Variants in CCDC50 observed in about 807,000 individuals in gnomAD.
CCDC50 encodes coiled-coil domain-containing protein 50.
CCDC50 carries 54 observed loss-of-function variants against 70.2 expected under a neutral mutation model. The ratio of observed to expected loss-of-function variants is 0.77; its 90% CI spans 0.62 to 0.96. The LOEUF (loss-of-function observed/expected upper bound fraction) is 0.96. Among genes scored for constraint, CCDC50 ranks in the 50% least tolerant of loss-of-function variants. The pLI is 0.00. For missense variants in CCDC50, 558 were observed against 578.7 expected (o/e 0.96, Z 0.37); for synonymous variants, 216 against 198.8 (o/e 1.09, Z -0.73).
At chr3:191,329,861 A>C (rs1717893502) in intron 1 of CCDC50, 138 bp downstream of exon 1, 1 of 725,148 alleles carries the variant, frequency 1.4e-6, no homozygotes, top group Non-Finnish European at 2.1e-6. Flanking sequence ...CCGGACGTGA[A>C]AGGAATTGAA....
At chr3:191,386,630 A>G (rs1453578011) in intron 10 of CCDC50, among the ~76,000 whole-genome samples, 2 of 152,216 alleles carry the variant, frequency 1.3e-5, no homozygotes, top group East Asian at 3.9e-4. Flanking sequence ...ACTTAAGCAT[A>G]GTCTCAGGAA....
chr3:191,385,272 C>G (rs188796329), intron 10 of CCDC50, among the ~76,000 whole-genome samples: 1 of 152,314 alleles, frequency 6.6e-6, no homozygotes, highest in African/African-American at 2.4e-5. Flanking sequence ...AATCTGAATT[C>G]CCATCAACAG....
intron 3 of CCDC50, among the ~76,000 whole-genome samples, chr3:191,360,733 G>A (rs989858128): frequency 6.6e-6 from 1 of 152,192 alleles, no homozygotes; most frequent in African/African-American, 2.4e-5. Flanking sequence ...GTTATTAGTG[G>A]TAGAGGCAGG....
chr3:191,368,487 G>T, intron 4 of CCDC50, among the ~76,000 whole-genome samples: 1 of 152,038 alleles, frequency 6.6e-6, no homozygotes, highest in East Asian at 1.9e-4. Context: ...TGGATGAATA[G>T]TAAAAAACAG....
chr3:191,396,845 G>A lies in CCDC50; in HGVS notation c.*5085G>A, dbSNP rs1281429997. The A allele has an allele frequency of 6.6e-6, 1 of 152,186 alleles. No homozygotes were observed. Among genetic ancestry groups the A allele is most frequent in the Non-Finnish European group, 1.5e-5 (1 of 68,022 alleles). 9.4% of individuals were successfully genotyped at this position (152,186 alleles called of 1,614,324 possible). A position where few individuals can be genotyped will look rare whatever the true frequency, so the allele number is the denominator to read the frequency against. On this transcript the variant is annotated 3_prime_UTR_variant, in exon 12 of 12. Coordinates refer to ENST00000392455, the MANE Select transcript of CCDC50 (RefSeq NM_178335.3). Reference sequence around the variant, plus strand: ...CACAATCGTGTAATCATGTTGAGTTGTAGAAATATATGGCCCTAAAAACCA... The same window carrying A: ...CACAATCGTGTAATCATGTTGAGTTATAGAAATATATGGCCCTAAAAACCA...
At chr3:191,377,382 G>A (rs553577433) in intron 6 of CCDC50, among the ~76,000 whole-genome samples, 9 of 152,138 alleles carry the variant, frequency 5.9e-5, no homozygotes, top group Non-Finnish European at 1.2e-4. Context: ...AAGAGCATTT[G>A]CAGAGCAGCA....
At chr3:191,357,624 A>G (rs1337195806) in intron 2 of CCDC50, among the ~76,000 whole-genome samples, 7 of 152,240 alleles carry the variant, frequency 4.6e-5, no homozygotes, top group Middle Eastern at 3.2e-3. Flanking sequence ...ACTTGTGAAT[A>G]TATGATTTGT....
Position 191,330,866 on chromosome 3 carries a change from T to C in CCDC50, c.49+1143T>C, listed in dbSNP as rs566544328. On this transcript the variant is annotated intron_variant, in intron 1 of 11. Transcript: ENST00000392455. The stretch of plus-strand genomic sequence containing the variant: ...ACTAGTGACTAGTGGTCACTGATTT[T>C]ATGTAGAATTTCTGATGGGCCTAGT... Among the ~76,000 whole-genome samples the C allele has an allele frequency of 2.6e-5, 4 of 152,298 alleles. No individual in the cohort carries two copies. The East Asian group carries it at 7.7e-4, about 29-fold the overall frequency.
chr3:191,377,346 T>C (rs1210587946), intron 6 of CCDC50, among the ~76,000 whole-genome samples: 1 of 152,108 alleles, frequency 6.6e-6, no homozygotes, highest in Non-Finnish European at 1.5e-5. Context: ...ATGAAGAAAC[T>C]AGCAGGATGA....
At chr3:191,339,350 TATG>T (rs1183323111) in intron 1 of CCDC50, among the ~76,000 whole-genome samples, 2 of 152,176 alleles carry the variant, frequency 1.3e-5, no homozygotes, top group Non-Finnish European at 2.9e-5. Context: ...TCAAGGGAGT[TATG>T]ATATAAAATT....
intron 3 of CCDC50, 93 bp from the exon 4 acceptor site, chr3:191,360,976 A>G: frequency 1.2e-6 from 1 of 839,322 alleles, no homozygotes; most frequent in Non-Finnish European, 2.0e-6. Context: ...TGTACTTCTC[A>G]TATAGTGAGT....
At chr3:191,385,979 T>C (rs1713480596) in intron 10 of CCDC50, among the ~76,000 whole-genome samples, 1 of 152,150 alleles carries the variant, frequency 6.6e-6, no homozygotes, top group Non-Finnish European at 1.5e-5. Context: ...GTTACATTGG[T>C]CTGTGTGTCA....
chr3:191,380,745 T>C lies in CCDC50; in HGVS notation c.1137+14T>C. 1 of 1,612,324 alleles carries C rather than the reference T, an allele frequency of 6.2e-7. No homozygotes were observed. ...GCTCAAGATGAAGTAAGTTAATGAG[T>C]TTAGCTGATATTCTTTGGAAATATC... On this transcript the variant is annotated intron_variant, in intron 8 of 11. Transcript: ENST00000392455.
chr3:191,353,937 C>G (rs1361648622), intron 1 of CCDC50, among the ~76,000 whole-genome samples: 1 of 152,058 alleles, frequency 6.6e-6, no homozygotes, highest in Non-Finnish European at 1.5e-5. Context: ...GATTCAGGGA[C>G]AAATTGCAAT....
chr3:191,330,488 CT>C (rs906179868), intron 1 of CCDC50: 8 of 152,008 alleles, frequency 5.3e-5, no homozygotes, highest in Non-Finnish European at 1.2e-4. Flanking sequence ...CAGGACCTAG[CT>C]TTTTTTTGCT....
chr3:191,398,133 C>G lies in CCDC50; in HGVS notation c.*6373C>G, dbSNP rs1354619741. ...TGTGGTGCTGGTGACTTTCATGTGT[C>G]TTGGGAGGTTGAGGTGTTCAACATC... On this transcript the variant is annotated 3_prime_UTR_variant, in exon 12 of 12. Coordinates refer to ENST00000392455, the MANE Select transcript of CCDC50 (RefSeq NM_178335.3). The G allele has an allele frequency of 6.6e-6, 1 of 152,190 alleles. No individual in the cohort carries two copies. Among genetic ancestry groups the G allele is most frequent in the Non-Finnish European group, 1.5e-5 (1 of 68,028 alleles). The allele number at this position is 152,190 out of a possible 1,614,324, so 9.4% of individuals were successfully genotyped here. A position where few individuals can be genotyped will look rare whatever the true frequency, so the allele number is the denominator to read the frequency against.
In CCDC50 at chr3:191,358,021, G is replaced by C; in HGVS notation, c.136G>C (p.Val46Leu). ...QEIEHHLASN[V>L]QRNRLVQHDL... is the part of the protein sequence containing the mutation. The stretch of plus-strand genomic sequence containing the variant: ...AGTTGAGCATCATTTGGCATCGAAC[G>C]TTCAGCGGAACCGTTTGGTCCAGCA... The change falls in exon 3 of 12, where the codon GTT (valine) becomes CTT (leucine). Residue 46 changes from valine (V) to leucine (L), a missense_variant. Coordinates refer to ENST00000392455, the MANE Select transcript of CCDC50 (RefSeq NM_178335.3). 6.2e-7 allele frequency: 1 copy of C among 1,613,938 alleles called. No homozygotes were observed. Among genetic ancestry groups the C allele is most frequent in the African/African-American group, 1.3e-5 (1 of 75,008 alleles).
intron 6 of CCDC50, among the ~76,000 whole-genome samples, chr3:191,379,745 C>G (rs1430014174): frequency 1.3e-5 from 2 of 152,070 alleles, no homozygotes; most frequent in Admixed American, 6.6e-5. Flanking sequence ...AGAAAGAAGC[C>G]TCTACTCTCC....
chr3:191,385,673 G>T (rs2117548), intron 10 of CCDC50, among the ~76,000 whole-genome samples: 7,853 of 132,908 alleles, frequency 0.059, 412 homozygotes, highest in East Asian at 0.25. Context: ...GTCTGTTTTT[G>T]ATTTTGTTAT....
Sources: allele counts gnomAD v4.1 joint callset (sites outside exome capture counted in the v4.1 genomes callset), GRCh38; gene constraint gnomAD v4.1.1; transcripts MANE v1.5; gene names NCBI Gene and HGNC (gene_info 2026-07-23, HGNC 2026-07-21).